Variants in SPIN1 observed in about 807,000 individuals in gnomAD.
SPIN1 encodes spindlin 1, also known as spindlin-1.
In SPIN1, 3 loss-of-function variants were observed where a neutral mutation model predicts 26.0. The observed-to-expected ratio is 0.12, with a 90% CI of 0.05 to 0.30. The LOEUF (loss-of-function observed/expected upper bound fraction) is 0.30, where lower values mean the gene tolerates loss of function less well. SPIN1 is among the 10% of genes least tolerant of loss of function. The pLI is 1.00. For synonymous variants in SPIN1, 101 were observed against 116.5 expected (o/e 0.87, Z 0.86); for missense variants, 126 against 333.4 (o/e 0.38, Z 4.84).
intron 1 of SPIN1, among the ~76,000 whole-genome samples, chr9:88,415,910 ATTTTT>A (rs34382784): frequency 7.6e-6 from 1 of 131,714 alleles, no homozygotes; most frequent in Non-Finnish European, 1.6e-5. Flanking sequence ...TGCTCGGCTA[ATTTTT>A]TTTTTTTTTT....
At chr9:88,435,398 G>A (rs551948807) in intron 2 of SPIN1, among the ~76,000 whole-genome samples, 1 of 151,740 alleles carries the variant, frequency 6.6e-6, no homozygotes, top group Admixed American at 6.6e-5. Context: ...AATTTTTTAG[G>A]GTTTTACCAT....
At chr9:88,414,367 A>C (rs948143348) in intron 1 of SPIN1, among the ~76,000 whole-genome samples, 31 of 152,214 alleles carry the variant, frequency 2.0e-4, no homozygotes, top group Non-Finnish European at 2.9e-5. Context: ...GATCTTGTTA[A>C]CATAAACTAG....
chr9:88,468,306 C>A, intron 4 of SPIN1, 66 bp from the exon 5 acceptor site: 1 of 1,191,428 alleles, frequency 8.4e-7, no homozygotes, highest in Non-Finnish European at 1.1e-6. Flanking sequence ...TTAGTAAATT[C>A]AGTCTTCATA....
At chr9:88,392,157 CTACTTTT>C (rs1346513592) in intron 1 of SPIN1, among the ~76,000 whole-genome samples, 1 of 152,118 alleles carries the variant, frequency 6.6e-6, no homozygotes, top group African/African-American at 2.4e-5. Context: ...CTTCTCCTTT[CTACTTTT>C]GAACTTAGCT....
intron 1 of SPIN1, among the ~76,000 whole-genome samples, chr9:88,397,411 G>T (rs1827090133): frequency 6.6e-6 from 1 of 151,868 alleles, no homozygotes; most frequent in African/African-American, 2.4e-5. Flanking sequence ...ATTCTCCTGT[G>T]CTCACCATAT....
intron 3 of SPIN1, among the ~76,000 whole-genome samples, chr9:88,452,764 G>A (rs530921721): frequency 6.6e-6 from 1 of 151,358 alleles, no homozygotes; most frequent in African/African-American, 2.5e-5. Flanking sequence ...ACAGTTACCT[G>A]CAAAGCAGGT....
Position 88,439,079 on chromosome 9 carries a change from AAC to A in SPIN1, c.53-9856_53-9855del, listed in dbSNP as rs570846925. Among the ~76,000 whole-genome samples the A allele has an allele frequency of 2.3e-3, 344 of 152,352 alleles. 1 individual carries two copies. The highest frequency in any genetic ancestry group is 1.5e-3 in the Non-Finnish European group (102 of 68,028). ...ATTTTTTTCTCACCTAAAAAAATAA[AAC>A]ACACAAAACACAGAATTGTAGGTGG... On this transcript the variant is annotated intron_variant, in intron 2 of 5. Transcript: ENST00000375859.
intron 5 of SPIN1, among the ~76,000 whole-genome samples, chr9:88,471,609 C>T (rs574079534): frequency 1.4e-4 from 19 of 137,682 alleles, no homozygotes; most frequent in South Asian, 9.1e-4. Flanking sequence ...GAGCCAAGAC[C>T]GCACCATTGC....
At chr9:88,434,359 TATAAAATA>T (rs1564031564) in intron 2 of SPIN1, among the ~76,000 whole-genome samples, 1 of 135,638 alleles carries the variant, frequency 7.4e-6, no homozygotes, top group Non-Finnish European at 1.5e-5. Context: ...TTTTATAAAT[TATAAAATA>T]GTTTATTTTA....
chr9:88,410,679 A>AT, intron 1 of SPIN1: 2 of 1,379,664 alleles, frequency 1.4e-6, no homozygotes, highest in East Asian at 2.3e-5. Flanking sequence ...TGGGTCCAAA[A>AT]TTTGAAGACT....
chr9:88,441,414 T>TGTGTGTGTGC, intron 2 of SPIN1, among the ~76,000 whole-genome samples: 1 of 141,204 alleles, frequency 7.1e-6, no homozygotes, highest in African/African-American at 2.9e-5. Context: ...TGTGTGTGTG[T>TGTGTGTGTGC]GCGCGCGCGC....
At chr9:88,439,381 C>A (rs1828071917) in intron 2 of SPIN1, among the ~76,000 whole-genome samples, 2 of 152,130 alleles carry the variant, frequency 1.3e-5, no homozygotes, top group African/African-American at 4.8e-5. Flanking sequence ...TCTGATACTT[C>A]AATGAGTATA....
chr9:88,390,633 C>T (rs1313593537), intron 1 of SPIN1, among the ~76,000 whole-genome samples: 2 of 152,190 alleles, frequency 1.3e-5, no homozygotes, highest in Admixed American at 1.3e-4. Flanking sequence ...TGTCTTCTTT[C>T]CCTTTCCATG....
Position 88,392,063 on chromosome 9 carries a change from T to G in SPIN1, c.-159+3525T>G, listed in dbSNP as rs561192606. 9.2e-5 allele frequency among the ~76,000 whole-genome samples: 14 copies of G among 152,328 alleles called. 1 individual carries two copies. The South Asian group carries it at 2.9e-3, about 32-fold the overall frequency. ...GATAAAACCTATGGTGTAAGTCTGT[T>G]CTGAGAATTACATGAAATGGATTTA... On this transcript the variant is annotated intron_variant, in intron 1 of 5. Transcript: ENST00000375859.
intron 3 of SPIN1, chr9:88,457,653 A>G (rs7855513): frequency 0.062 from 11,179 of 180,016 alleles, 1,276 homozygotes; most frequent in African/African-American, 0.24. Context: ...TTTTTCTCTC[A>G]AAGTACTGAG....
chr9:88,438,132 C>G (rs943313256), intron 2 of SPIN1, among the ~76,000 whole-genome samples: 12 of 148,718 alleles, frequency 8.1e-5, no homozygotes, highest in African/African-American at 2.5e-4. Flanking sequence ...GCCTGGGCCA[C>G]AGAGCAAGAC....
chr9:88,464,090 T>A (rs902499992), intron 4 of SPIN1, among the ~76,000 whole-genome samples: 1 of 152,202 alleles, frequency 6.6e-6, no homozygotes, highest in African/African-American at 2.4e-5. Flanking sequence ...TTCCATGTTG[T>A]TTGTAGTTTG....
chr9:88,393,545 C>G (rs1430798045), intron 1 of SPIN1, among the ~76,000 whole-genome samples: 1 of 148,250 alleles, frequency 6.7e-6, no homozygotes, highest in East Asian at 2.0e-4. Context: ...CCCTCCACCT[C>G]CCGGGAGTCA....
intron 3 of SPIN1, among the ~76,000 whole-genome samples, chr9:88,458,288 A>G (rs1210591454): frequency 6.6e-6 from 1 of 152,244 alleles, no homozygotes; most frequent in East Asian, 1.9e-4. Flanking sequence ...GACTCATAGT[A>G]TCATTTACCA....
Sources: gnomAD v4.1 joint callset for allele counts (sites outside exome capture counted in the v4.1 genomes callset) on GRCh38, gnomAD v4.1.1 for gene constraint, MANE v1.5 for transcripts, NCBI Gene and HGNC (gene_info 2026-07-23, HGNC 2026-07-21) for gene names.